The following CYREN variants were observed in gnomAD, a reference collection of about 807,000 sequenced individuals.
CYREN encodes cell cycle regulator of NHEJ.
Under a neutral mutation model 9.7 loss-of-function variants are expected in CYREN, and 7 were observed. The observed-to-expected ratio is 0.72, with a 90% CI of 0.41 to 1.36. CYREN has a LOEUF of 1.36. CYREN is among the 40% of genes most tolerant of loss of function. CYREN has a pLI of 0.01. For synonymous variants in CYREN, 76 were observed against 77.9 expected, an observed-to-expected ratio of 0.98 and a Z score of 0.13; for missense variants, 215 against 198.1, an observed-to-expected ratio of 1.09 and a Z score of -0.51.
chr7:135,119,007 G>C (rs984183711), intron 2 of CYREN, among the ~76,000 whole-genome samples: 1 of 152,088 alleles, frequency 6.6e-6, no homozygotes, highest in Non-Finnish European at 1.5e-5. Flanking sequence ...AAAATGAATA[G>C]AGCTGCAGGC....
At chr7:135,118,843 T>A (rs1163893954) in intron 2 of CYREN, among the ~76,000 whole-genome samples, 4 of 152,172 alleles carry the variant, frequency 2.6e-5, no homozygotes, top group Admixed American at 2.0e-4. Context: ...CAAATAGAAA[T>A]TTTTGAATTG....
chr7:135,161,667 C>A (rs2117463790), downstream of CYREN, among the ~76,000 whole-genome samples: 1 of 152,352 alleles, frequency 6.6e-6, no homozygotes, highest in South Asian at 2.1e-4. This position sits in a 1 kb window ranked among gnomAD's most constrained non-coding sequence, Gnocchi z 4.1. Context: ...ACTAATGCCA[C>A]CTTTTCAATT....
At chr7:135,155,451 C>T (rs9942692) in intron 2 of CYREN, among the ~76,000 whole-genome samples, 67,164 of 152,026 alleles carry the variant, frequency 0.44, 15,475 homozygotes, top group East Asian at 0.77. Context: ...GTCATGTTGC[C>T]ATTTGATTCC....
chr7:135,133,286 A>G (rs1351863955), intron 2 of CYREN, among the ~76,000 whole-genome samples: 3 of 152,246 alleles, frequency 2.0e-5, no homozygotes, highest in African/African-American at 7.2e-5. Context: ...AAATTTTAAA[A>G]TATCTAAATG....
chr7:135,094,897 G>A (rs1822426438), intron 2 of CYREN, among the ~76,000 whole-genome samples: 1 of 152,192 alleles, frequency 6.6e-6, no homozygotes, highest in South Asian at 2.1e-4. Context: ...CAGCTGGCAA[G>A]GAAAAATTAT....
At chr7:135,125,941 T>G (rs1827812379) in intron 2 of CYREN, among the ~76,000 whole-genome samples, 1 of 152,196 alleles carries the variant, frequency 6.6e-6, no homozygotes, top group African/African-American at 2.4e-5. Flanking sequence ...AATATCATAT[T>G]GAATAGGCAA....
At chr7:135,118,435 C>A (rs1198578036) in intron 2 of CYREN, among the ~76,000 whole-genome samples, 1 of 152,126 alleles carries the variant, frequency 6.6e-6, no homozygotes, top group Admixed American at 6.6e-5. Context: ...TAATTAGAAG[C>A]CTCCTATCTC....
At chr7:135,096,152 A>G (rs891627223) in intron 2 of CYREN, among the ~76,000 whole-genome samples, 1 of 39,662 alleles carries the variant, frequency 2.5e-5, no homozygotes, top group African/African-American at 7.5e-5. Flanking sequence ...ACTCTCTCTC[A>G]AAAAAAAAAA....
At chr7:135,097,805 G>GT (rs1823140470) in intron 2 of CYREN, among the ~76,000 whole-genome samples, 1 of 152,016 alleles carries the variant, frequency 6.6e-6, no homozygotes, top group African/African-American at 2.4e-5. Context: ...GACGTGTATG[G>GT]TAAAAAATGA....
chr7:135,096,205 A>C (rs534582281), intron 2 of CYREN, among the ~76,000 whole-genome samples: 2 of 152,258 alleles, frequency 1.3e-5, no homozygotes, highest in East Asian at 3.9e-4. Context: ...TTTTGCTTAC[A>C]TTGAGATAGC....
intron 2 of CYREN, among the ~76,000 whole-genome samples, chr7:135,109,734 T>C (rs1216185349): frequency 6.6e-6 from 1 of 152,182 alleles, no homozygotes; most frequent in Non-Finnish European, 1.5e-5. Flanking sequence ...CCAGTGCCTG[T>C]GTGAAAAAGC....
chr7:135,125,705 T>C (rs1211548261), intron 2 of CYREN, among the ~76,000 whole-genome samples: 1 of 152,194 alleles, frequency 6.6e-6, no homozygotes, highest in African/African-American at 2.4e-5. Context: ...CATGATGAAG[T>C]TGGCTTCATC....
chr7:135,127,880 G>A (rs1828111431), intron 2 of CYREN, among the ~76,000 whole-genome samples: 1 of 152,190 alleles, frequency 6.6e-6, no homozygotes, highest in Admixed American at 6.5e-5. Context: ...GCACACATAT[G>A]TTTATTGCAG....
intron 2 of CYREN, among the ~76,000 whole-genome samples, chr7:135,146,715 T>C (rs777695163): frequency 5.6e-4 from 86 of 152,280 alleles, no homozygotes; most frequent in Non-Finnish European, 9.4e-4. Flanking sequence ...AGATTATGCC[T>C]GAAACTGAAA....
intron 2 of CYREN, among the ~76,000 whole-genome samples, chr7:135,096,558 AAGATAGAT>A (rs1167936702): frequency 1.0e-4 from 8 of 79,730 alleles, no homozygotes; most frequent in African/African-American, 3.7e-4. Context: ...GAAAGAAAGA[AAGATAGAT>A]AGATAGATAG....
Position 135,168,889 on chromosome 7 carries a change from C to A in CYREN, c.34G>T (p.Val12Phe), listed in dbSNP as rs1241513712. ...ETLQSETKTR[V>F]LPSWLTAQVA... Reference sequence around the variant, plus strand: ...TGGGCTGTCAGCCATGAGGGAAGGACCCTCGTTTTAGTCTCGGATTGTAAG... The same window carrying A: ...TGGGCTGTCAGCCATGAGGGAAGGAACCTCGTTTTAGTCTCGGATTGTAAG... The change falls in exon 2 of 4, where the codon GTC (valine) becomes TTC (phenylalanine). Residue 12 changes from valine (V) to phenylalanine (F), a missense_variant. By Grantham distance (50) the Val-to-Phe change is conservative. Coordinates refer to ENST00000393114, the MANE Select transcript of CYREN (RefSeq NM_024033.4). The A allele has an allele frequency of 1.2e-5, 20 of 1,612,886 alleles. No homozygotes were observed. Among genetic ancestry groups the A allele is most frequent in the Non-Finnish European group, 1.7e-5 (20 of 1,179,382 alleles).
In CYREN at chr7:135,092,708, A is replaced by T. The variant is rs1397648041; in HGVS notation, n.2231T>A. Reference sequence around the variant, plus strand: ...TTTCTCAGAAAAGGTAATTGTTAAGATTTCAGGGGCCAAATAAATTGAACT... The same window carrying T: ...TTTCTCAGAAAAGGTAATTGTTAAGTTTTCAGGGGCCAAATAAATTGAACT... On this transcript the variant is annotated non_coding_transcript_exon_variant, in exon 3 of 3. Transcript: ENST00000459937. The T allele has an allele frequency of 2.6e-5, 4 of 152,140 alleles. No homozygotes were observed. In the East Asian group the frequency reaches 7.7e-4, roughly 29 times the overall value. 9.4% of individuals were successfully genotyped at this position (152,140 alleles called of 1,614,324 possible).
chr7:135,128,773 G>A lies in CYREN; in HGVS notation n.357-34191C>T. ...CTCTCCCAACACAGAGCTAGATTTT[G>A]GAGGAACTTCTGGATCTGATACAGA... On this transcript the variant is annotated intron_variant and non_coding_transcript_variant, in intron 2 of 2. Coordinates refer to the CYREN transcript ENST00000459937. 3.1e-6 allele frequency: 4 copies of A among 1,306,696 alleles called. No homozygotes were observed. The South Asian group carries it at 3.8e-5, about 12-fold the overall frequency. 80.9% of individuals were successfully genotyped at this position (1,306,696 alleles called of 1,614,324 possible).
intron 2 of CYREN, chr7:135,129,305 G>T: frequency 6.9e-7 from 1 of 1,456,954 alleles, no homozygotes. Flanking sequence ...CCTACCATGG[G>T]GTCTCTCCAT....
Sources: allele counts gnomAD v4.1 joint callset (sites outside exome capture counted in the v4.1 genomes callset), GRCh38; gene constraint gnomAD v4.1.1; non-coding constraint Gnocchi (gnomAD v3.1); transcripts MANE v1.5; gene names NCBI Gene and HGNC (gene_info 2026-07-23, HGNC 2026-07-21).